DCTD: variants seen among roughly 807,000 people sequenced by gnomAD.
DCTD encodes the protein deoxycytidylate deaminase.
Under a neutral mutation model 21.0 loss-of-function variants are expected in DCTD, and 23 were observed. The ratio of observed to expected loss-of-function variants is 1.09; its 90% CI spans 0.79 to 1.55. DCTD has a LOEUF of 1.55. DCTD is among the 40% of genes most tolerant of loss of function. The probability of loss-of-function intolerance (pLI) is 0.00; values close to 1 mark genes in which losing one functional copy is unlikely to be tolerated. For synonymous variants in DCTD, 71 were observed against 81.1 expected, an observed-to-expected ratio of 0.88 and a Z score of 0.67; for missense variants, 224 against 230.0, an observed-to-expected ratio of 0.97 and a Z score of 0.17.
intron 1 of DCTD, chr4:182,916,887 A>T (rs1446617514): frequency 3.0e-6 from 3 of 1,011,968 alleles, no homozygotes; most frequent in Non-Finnish European, 3.6e-6. Context: ...TGGAGCTCGA[A>T]TACAACGATT....
chr4:182,913,294 G>A (rs376205757), intron 3 of DCTD, among the ~76,000 whole-genome samples: 3 of 152,088 alleles, frequency 2.0e-5, no homozygotes, highest in African/African-American at 2.4e-5. Context: ...CCACTCCGAC[G>A]AGGGAGGGTG....
chr4:182,903,174 C>G (rs1736052601), intron 3 of DCTD, among the ~76,000 whole-genome samples: 1 of 152,122 alleles, frequency 6.6e-6, no homozygotes, highest in Admixed American at 6.5e-5. Flanking sequence ...CAAATGGGGA[C>G]TTTGTCACCA....
chr4:182,900,610 GA>G (rs201121493), intron 3 of DCTD, among the ~76,000 whole-genome samples: 21 of 149,490 alleles, frequency 1.4e-4, no homozygotes, highest in African/African-American at 2.2e-4. Flanking sequence ...AAAAAAAAAA[GA>G]AAAAAAGATA....
chr4:182,900,564 T>C (rs1431023597), intron 3 of DCTD, among the ~76,000 whole-genome samples: 1 of 151,672 alleles, frequency 6.6e-6, no homozygotes. Context: ...AAAGATACAG[T>C]GTCTAGGAAG....
intron 3 of DCTD, among the ~76,000 whole-genome samples, chr4:182,908,682 CAAAAAAA>C (rs34915632): frequency 1.6e-5 from 1 of 63,740 alleles, no homozygotes; most frequent in Non-Finnish European, 2.9e-5. Flanking sequence ...GACTCTGTCT[CAAAAAAA>C]AAAAAAAAAA....
Position 182,894,513 on chromosome 4 carries a change from A to G in DCTD, c.337T>C (p.Cys113Arg), listed in dbSNP as rs758061563. 2 of 1,613,274 alleles carry G rather than the reference A, an allele frequency of 1.2e-6. No homozygotes were observed. Among genetic ancestry groups the G allele is most frequent in the Non-Finnish European group, 1.7e-6 (2 of 1,179,146 alleles). Residue 113 changes from cysteine to arginine, a missense_variant, in exon 4 of 6, where the codon TGC becomes CGC. Physicochemically the swap from Cys to Arg is radical, Grantham distance 180. Coordinates refer to ENST00000438320, the MANE Select transcript of DCTD (RefSeq NM_001921.3). ...CCTGCCTGGATGATGAGCTTAGCGC[A>G]TTCATTACAAGGGAACAAGGCAACA... is the stretch of plus-strand genomic sequence containing the variant. ...MYVALFPCNECAKLIIQAGIK... is the reference protein window; with the variant it reads ...MYVALFPCNERAKLIIQAGIK...
At chr4:182,900,691 T>C (rs931662528) in intron 3 of DCTD, among the ~76,000 whole-genome samples, 2 of 152,034 alleles carry the variant, frequency 1.3e-5, no homozygotes, top group African/African-American at 4.8e-5. Flanking sequence ...ACAGTACATA[T>C]ATATTTGATA....
chr4:182,898,290 C>T (rs1735100530), intron 3 of DCTD, among the ~76,000 whole-genome samples: 1 of 152,170 alleles, frequency 6.6e-6, no homozygotes. Flanking sequence ...CCTCTGCCAG[C>T]GAGTGTGGAC....
chr4:182,903,579 G>A (rs1579720363), intron 3 of DCTD, among the ~76,000 whole-genome samples: 1 of 152,142 alleles, frequency 6.6e-6, no homozygotes, highest in East Asian at 1.9e-4. Flanking sequence ...GAAAATGACA[G>A]CGCAAAGGAA....
chr4:182,894,566 G>T lies in DCTD; in HGVS notation c.284C>A (p.Ser95Ter). 1 of 1,614,068 alleles carries T rather than the reference G, an allele frequency of 6.2e-7. No homozygotes were observed. ...CATACTACAGCCTTTCACATCGGTCGAATTTTTGTTCATGATGGCATTCAG... is the reference window on the plus strand; with the variant it reads ...CATACTACAGCCTTTCACATCGGTCTAATTTTTGTTCATGATGGCATTCAG... ...AELNAIMNKN[S>*]TDVKGCSMYV... Residue 95 changes from serine to a stop codon, truncating the protein, a stop_gained, in exon 4 of 6, where the codon TCG becomes TAG. Coordinates refer to ENST00000438320, the MANE Select transcript of DCTD (RefSeq NM_001921.3). LOFTEE classifies it high-confidence loss of function.
intron 5 of DCTD, 62 bp downstream of exon 5, chr4:182,892,969 A>G: frequency 9.9e-7 from 1 of 1,007,450 alleles, no homozygotes; most frequent in Non-Finnish European, 1.6e-6. Context: ...GACAAGGTCA[A>G]ATACATCTCT....
intron 3 of DCTD, among the ~76,000 whole-genome samples, chr4:182,897,861 G>A (rs571058699): frequency 1.0e-3 from 158 of 152,278 alleles, no homozygotes; most frequent in Middle Eastern, 6.8e-3. Flanking sequence ...GCCTGTTGTG[G>A]TCCTGAAATC....
At chr4:182,900,372 C>T (rs907625063) in intron 3 of DCTD, among the ~76,000 whole-genome samples, 2 of 151,924 alleles carry the variant, frequency 1.3e-5, no homozygotes, top group African/African-American at 4.8e-5. Context: ...TCAACCTGTA[C>T]AATAAACATT....
intron 3 of DCTD, among the ~76,000 whole-genome samples, chr4:182,896,070 C>T (rs1415917996): frequency 2.0e-5 from 3 of 152,210 alleles, no homozygotes; most frequent in African/African-American, 4.8e-5. Flanking sequence ...TCTCCCCTAC[C>T]CTCTCCAGCC....
At chr4:182,896,303 C>T (rs1734724280) in intron 3 of DCTD, among the ~76,000 whole-genome samples, 1 of 152,222 alleles carries the variant, frequency 6.6e-6, no homozygotes, top group Non-Finnish European at 1.5e-5. Flanking sequence ...GCCTGGGTCC[C>T]CCAGCAGCAA....
intron 3 of DCTD, among the ~76,000 whole-genome samples, chr4:182,905,108 C>G (rs926980204): frequency 6.6e-6 from 1 of 152,174 alleles, no homozygotes; most frequent in African/African-American, 2.4e-5. Flanking sequence ...CCACACATCC[C>G]AAAGCCCGAT....
intron 3 of DCTD, among the ~76,000 whole-genome samples, chr4:182,904,158 T>A (rs1736240600): frequency 6.6e-6 from 1 of 152,196 alleles, no homozygotes; most frequent in South Asian, 2.1e-4. Context: ...GGGGAGCCAC[T>A]TAGCCCCAAT....
At chr4:182,909,264 T>C (rs1737265492) in intron 3 of DCTD, among the ~76,000 whole-genome samples, 1 of 152,226 alleles carries the variant, frequency 6.6e-6, no homozygotes, top group African/African-American at 2.4e-5. Flanking sequence ...CATGCTTACA[T>C]GGAGCTGGTT....
At chr4:182,908,674 C>G (rs1179462850) in intron 3 of DCTD, among the ~76,000 whole-genome samples, 3 of 105,354 alleles carry the variant, frequency 2.8e-5, no homozygotes, top group Non-Finnish European at 5.3e-5. Context: ...CAGAGCAAGA[C>G]TCTGTCTCAA....
Sources: gnomAD v4.1 joint callset for allele counts (sites outside exome capture counted in the v4.1 genomes callset) on GRCh38, gnomAD v4.1.1 for gene constraint, MANE v1.5 for transcripts, NCBI Gene and HGNC (gene_info 2026-07-23, HGNC 2026-07-21) for gene names.